The following KCNB2 variants were observed in gnomAD, a reference collection of about 807,000 sequenced individuals.
KCNB2 encodes the protein potassium voltage-gated channel subfamily B member 2.
Under a neutral mutation model 61.5 loss-of-function variants are expected in KCNB2, and 15 were observed. The ratio of observed to expected loss-of-function variants is 0.24; its 90% confidence interval spans 0.16 to 0.38. The LOEUF (loss-of-function observed/expected upper bound fraction) is 0.38, where lower values mean the gene tolerates loss of function less well. KCNB2 is among the 10% of genes least tolerant of loss of function. The pLI is 1.00. For missense variants in KCNB2, 828 were observed against 1,125.2 expected, an observed-to-expected ratio of 0.74 and a Z score of 3.78; for synonymous variants, 457 against 446.0, an observed-to-expected ratio of 1.02 and a Z score of -0.31.
At chr8:72,756,036 G>A (rs989595382) in intron 2 of KCNB2, among the ~76,000 whole-genome samples, 12 of 152,172 alleles carry the variant, frequency 7.9e-5, no homozygotes, top group African/African-American at 2.9e-4. Context: ...GAAAAGGTCT[G>A]GATCTTCTCA....
Position 72,916,997 on chromosome 8 carries a change from G to T in KCNB2, c.580-18938G>T, listed in dbSNP as rs143974109. 1.4e-3 allele frequency among the ~76,000 whole-genome samples: 212 copies of T among 152,306 alleles called. 2 individuals are homozygous for T. Among genetic ancestry groups the T allele is most frequent in the Middle Eastern group, 6.8e-3 (2 of 294 alleles). Reference sequence around the variant, plus strand: ...TTGAGAAAAGGCAACATTCGAGCTGGAAAACAGGGATGGAATTTATCATTT... The same window carrying T: ...TTGAGAAAAGGCAACATTCGAGCTGTAAAACAGGGATGGAATTTATCATTT... On this transcript the variant is annotated intron_variant, in intron 2 of 2. Coordinates refer to ENST00000523207, the MANE Select transcript of KCNB2 (RefSeq NM_004770.3).
intron 2 of KCNB2, among the ~76,000 whole-genome samples, chr8:72,899,117 C>T (rs887882071): frequency 6.6e-6 from 1 of 152,134 alleles, no homozygotes; most frequent in African/African-American, 2.4e-5. Context: ...TGATTCACTA[C>T]TTAAGCAGAA....
intron 2 of KCNB2, among the ~76,000 whole-genome samples, chr8:72,897,378 G>T (rs1052971237): frequency 1.3e-5 from 2 of 152,092 alleles, no homozygotes; most frequent in Non-Finnish European, 2.9e-5. Flanking sequence ...GAGAATATGA[G>T]AAATTACCTG....
chr8:72,697,493 G>T (rs867781625), intron 2 of KCNB2, among the ~76,000 whole-genome samples: 2 of 152,148 alleles, frequency 1.3e-5, no homozygotes, highest in African/African-American at 4.8e-5. Flanking sequence ...GCAGCAAGGT[G>T]CAGTGGCAGG....
chr8:72,679,898 C>A (rs1806724028), intron 2 of KCNB2, among the ~76,000 whole-genome samples: 1 of 152,208 alleles, frequency 6.6e-6, no homozygotes, highest in African/African-American at 2.4e-5. Flanking sequence ...CTCTTGGCAG[C>A]TGATAACTTT....
chr8:72,744,081 C>T (rs1808015339), intron 2 of KCNB2, among the ~76,000 whole-genome samples: 1 of 151,906 alleles, frequency 6.6e-6, no homozygotes, highest in African/African-American at 2.4e-5. Flanking sequence ...AGAAACCAGC[C>T]TTTTATCTAT....
rs945110839 is a variant in KCNB2 at position 72,706,763 on chromosome 8, C to T, written c.579+138450C>T. Among the ~76,000 whole-genome samples the T allele has an allele frequency of 7.2e-5, 11 of 152,276 alleles. No individual in the cohort carries two copies. In the East Asian group the frequency reaches 7.7e-4, roughly 11 times the overall value. ...TGAAGAATAGGGATGGGCAAAGTTG[C>T]CACAAATTTCTTAAAAATAACAATT... On this transcript the variant is annotated intron_variant, in intron 2 of 2. Coordinates refer to ENST00000523207, the MANE Select transcript of KCNB2 (RefSeq NM_004770.3).
At chr8:72,637,148 G>A (rs931602444) in intron 2 of KCNB2, among the ~76,000 whole-genome samples, 7 of 152,212 alleles carry the variant, frequency 4.6e-5, no homozygotes, top group East Asian at 1.9e-4. Context: ...ACAGTCTTAC[G>A]CCTCTGACTC....
At chr8:72,548,204 C>T (rs1806288961) in intron 1 of KCNB2, among the ~76,000 whole-genome samples, 1 of 152,100 alleles carries the variant, frequency 6.6e-6, no homozygotes, top group Non-Finnish European at 1.5e-5. Flanking sequence ...ATTTCTGTAA[C>T]TTGCCTTATT....
At chr8:72,632,159 T>A (rs961028007) in intron 2 of KCNB2, among the ~76,000 whole-genome samples, 1 of 151,952 alleles carries the variant, frequency 6.6e-6, no homozygotes, top group Non-Finnish European at 1.5e-5. Context: ...GGTGGGAGGA[T>A]CACATGAGCC....
chr8:72,627,272 G>A (rs1417559578), intron 2 of KCNB2, among the ~76,000 whole-genome samples: 1 of 152,194 alleles, frequency 6.6e-6, no homozygotes, highest in Non-Finnish European at 1.5e-5. Context: ...AGAGAAGGAG[G>A]TCACTAGGAG....
At chr8:72,557,901 C>G (rs1806454206) in intron 1 of KCNB2, among the ~76,000 whole-genome samples, 1 of 152,128 alleles carries the variant, frequency 6.6e-6, no homozygotes, top group Admixed American at 6.6e-5. Context: ...TTAACACAGG[C>G]CTTGTTAAAG....
rs749198904 is a variant in KCNB2 at position 72,568,080 on chromosome 8, G to A, written c.346G>A (p.Ala116Thr). The change falls in exon 2 of 3, where the codon GCA (alanine) becomes ACA (threonine). Residue 116 changes from alanine (A) to threonine (T), a missense_variant. Physicochemically the swap from Ala to Thr is moderately conservative, Grantham distance 58 (BLOSUM62 0). Transcript: ENST00000523207. ...GKLHMMEEMC[A>T]LSFGQELDYW... is the part of the protein sequence containing the mutation. ...ACTCCATATGATGGAAGAAATGTGTGCACTTTCGTTTGGCCAAGAACTTGA... is the reference window on the plus strand; with the variant it reads ...ACTCCATATGATGGAAGAAATGTGTACACTTTCGTTTGGCCAAGAACTTGA... 1 of 1,614,106 alleles carries A rather than the reference G, an allele frequency of 6.2e-7. No individual in the cohort carries two copies. Among genetic ancestry groups the A allele is most frequent in the South Asian group, 1.1e-5 (1 of 91,068 alleles).
chr8:72,587,264 G>A (rs910192319), intron 2 of KCNB2, among the ~76,000 whole-genome samples: 1 of 151,992 alleles, frequency 6.6e-6, no homozygotes, highest in Non-Finnish European at 1.5e-5. Context: ...TCCACCTCCC[G>A]AGACTGAAAG....
intron 2 of KCNB2, among the ~76,000 whole-genome samples, chr8:72,752,812 T>C (rs1808216254): frequency 6.6e-6 from 1 of 152,200 alleles, no homozygotes; most frequent in South Asian, 2.1e-4. Flanking sequence ...AAATGATCAT[T>C]ACTCCAATTT....
chr8:72,716,430 C>G (rs1019846162), intron 2 of KCNB2, among the ~76,000 whole-genome samples: 1 of 152,060 alleles, frequency 6.6e-6, no homozygotes, highest in Non-Finnish European at 1.5e-5. Flanking sequence ...ATTGGCAAGC[C>G]GAATCCAGCA....
At chr8:72,824,836 A>C (rs543388859) in intron 2 of KCNB2, among the ~76,000 whole-genome samples, 3 of 152,258 alleles carry the variant, frequency 2.0e-5, no homozygotes, top group African/African-American at 7.2e-5. Flanking sequence ...AGACCTCCTC[A>C]CAGTCCCCCA....
intron 1 of KCNB2, among the ~76,000 whole-genome samples, chr8:72,551,029 A>T (rs908962180): frequency 7.9e-5 from 12 of 152,078 alleles, no homozygotes; most frequent in African/African-American, 2.9e-4. Context: ...CACAGTTAAG[A>T]CATCTCCATT....
intron 2 of KCNB2, among the ~76,000 whole-genome samples, chr8:72,710,510 G>T (rs1433666621): frequency 6.6e-6 from 1 of 152,152 alleles, no homozygotes; most frequent in Non-Finnish European, 1.5e-5. Context: ...TTGCGTATGT[G>T]TGTGTTGAGG....
Sources: allele counts gnomAD v4.1 joint callset (sites outside exome capture counted in the v4.1 genomes callset), GRCh38; gene constraint gnomAD v4.1.1; transcripts MANE v1.5; gene names NCBI Gene and HGNC (gene_info 2026-07-23, HGNC 2026-07-21).